ZFHX3: variants seen among roughly 807,000 people sequenced by gnomAD.
The protein encoded by ZFHX3 is zinc finger homeobox protein 3.
Under a neutral mutation model 279.1 loss-of-function variants are expected in ZFHX3, and 42 were observed. The observed-to-expected ratio is 0.15, with a 90% CI of 0.12 to 0.19. ZFHX3 has a LOEUF of 0.19. Ranked by LOEUF, ZFHX3 falls within the 10% of genes least tolerant of loss-of-function variation. The pLI is 1.00. For missense variants in ZFHX3, 4,981 were observed against 4,754.0 expected (o/e 1.05, Z -1.40); for synonymous variants, 2,293 against 1,957.8 (o/e 1.17, Z -4.52).
chr16:73,661,426 A>AT (rs1200076302), intron 2 of ZFHX3, among the ~76,000 whole-genome samples: 4 of 152,228 alleles, frequency 2.6e-5, no homozygotes, highest in Non-Finnish European at 5.9e-5. Flanking sequence ...CAGATTTTTA[A>AT]TAAAGGATGT....
At chr16:72,947,188 CG>C (rs1463616125) in intron 3 of ZFHX3, among the ~76,000 whole-genome samples, 2 of 152,178 alleles carry the variant, frequency 1.3e-5, no homozygotes, top group African/African-American at 4.8e-5. Context: ...GGGCTTCCCC[CG>C]GATGCCTCGG....
At chr16:73,567,394 CT>C (rs1392977188) in intron 2 of ZFHX3, among the ~76,000 whole-genome samples, 1 of 152,238 alleles carries the variant, frequency 6.6e-6, no homozygotes, top group Non-Finnish European at 1.5e-5. Flanking sequence ...TTCTCTTCCT[CT>C]GAACTTATAG....
At chr16:73,836,282 C>T (rs1478439059) in intron 1 of ZFHX3, among the ~76,000 whole-genome samples, 1 of 152,168 alleles carries the variant, frequency 6.6e-6, no homozygotes, top group African/African-American at 2.4e-5. Context: ...TCCACTACTA[C>T]AGGAGACAGT....
intron 5 of ZFHX3, among the ~76,000 whole-genome samples, chr16:73,173,099 T>C (rs1211980812): frequency 6.7e-6 from 1 of 150,352 alleles, no homozygotes. Flanking sequence ...AATAACCTTG[T>C]TTCCTGTGAT....
chr16:73,386,876 G>T (rs116864109), intron 3 of ZFHX3: 2 of 152,242 alleles, frequency 1.3e-5, no homozygotes, highest in Non-Finnish European at 2.9e-5. Flanking sequence ...CTGCCACATC[G>T]GATTTCCTTC....
At chr16:73,278,599 T>C (rs895508931) in intron 4 of ZFHX3, among the ~76,000 whole-genome samples, 1 of 152,198 alleles carries the variant, frequency 6.6e-6, no homozygotes, top group Non-Finnish European at 1.5e-5. Context: ...CTGGCTGGGG[T>C]GGCCAGCTTT....
At chr16:73,273,673 T>C (rs1213250721) in intron 4 of ZFHX3, among the ~76,000 whole-genome samples, 1 of 152,218 alleles carries the variant, frequency 6.6e-6, no homozygotes, top group African/African-American at 2.4e-5. Context: ...TAGAGTATTC[T>C]ATCAGAGGAT....
rs1220734896 is a variant in ZFHX3, at chr16:72,794,071, G to T, written c.8611C>A (p.Pro2871Thr). Reference sequence around the variant, plus strand: ...GCCGCTTTGGTCAACCCTTCGTTGGGTGCAGAAGAGGATTTGGTTTCAGTT... The same window carrying T: ...GCCGCTTTGGTCAACCCTTCGTTGGTTGCAGAAGAGGATTTGGTTTCAGTT... ...IATETKSSSA[P>T]NEGLTKAAMM... The change falls in exon 9 of 10, where the codon CCC becomes ACC. Residue 2871 changes from proline (P) to threonine (T), a missense_variant. Physicochemically the swap from Pro to Thr is conservative, Grantham distance 38 (BLOSUM62 -1). Coordinates refer to ENST00000268489, the MANE Select transcript of ZFHX3 (RefSeq NM_006885.4). The surrounding 1 kb of genome is among the most constrained non-coding windows in gnomAD (Gnocchi z 4.2). The T allele has an allele frequency of 6.2e-7, 1 of 1,614,204 alleles. No individual in the cohort carries two copies.
At chr16:73,195,413 A>ATTTT (rs9302646) in intron 5 of ZFHX3, among the ~76,000 whole-genome samples, 5 of 93,116 alleles carry the variant, frequency 5.4e-5, no homozygotes, top group Admixed American at 1.2e-4. Context: ...TGTCTTTACT[A>ATTTT]TTTTTTTTTT....
chr16:73,774,307 T>G (rs1253905299), intron 1 of ZFHX3, among the ~76,000 whole-genome samples: 2 of 152,162 alleles, frequency 1.3e-5, no homozygotes, highest in African/African-American at 4.8e-5. Flanking sequence ...TTGTATAAGC[T>G]CATTAGGTAG....
intron 1 of ZFHX3, among the ~76,000 whole-genome samples, chr16:73,753,571 G>A: frequency 6.6e-6 from 1 of 152,130 alleles, no homozygotes; most frequent in Non-Finnish European, 1.5e-5. Flanking sequence ...TAAGGTGCTG[G>A]CTCTGGGAAC....
chr16:73,054,769 T>C (rs1280969064), intron 1 of ZFHX3, among the ~76,000 whole-genome samples: 12 of 152,100 alleles, frequency 7.9e-5, no homozygotes, highest in South Asian at 2.1e-4. Flanking sequence ...AAGGCATATA[T>C]ATAGCCGCCG....
At chr16:73,431,819 A>G (rs1169813408) in intron 3 of ZFHX3, among the ~76,000 whole-genome samples, 1 of 152,152 alleles carries the variant, frequency 6.6e-6, no homozygotes, top group Non-Finnish European at 1.5e-5. Context: ...GTAAGGAGGC[A>G]GGCGATGGCC....
intron 3 of ZFHX3, among the ~76,000 whole-genome samples, chr16:73,348,058 G>A (rs575697451): frequency 5.6e-4 from 85 of 152,288 alleles, no homozygotes; most frequent in Non-Finnish European, 8.5e-4. Context: ...AAGGAACTGT[G>A]TGACCTGCTT....
Position 72,794,606 on chromosome 16 carries a change from G to A in ZFHX3, c.8076C>T (p.Thr2692=). The change falls in exon 9 of 10, where the codon ACC becomes ACT. Residue 2692 remains threonine, a synonymous_variant. Transcript: ENST00000268489. The surrounding 1 kb of genome is among the most constrained non-coding windows in gnomAD (Gnocchi z 4.2). ...KRVVQVWFQN[T]RARERKGQFR... ...ACTGTCCTTTCCTTTCCCGAGCTCG[G>A]GTGTTCTGAAACCAGACTTGTACCA... The A allele has an allele frequency of 6.2e-7, 1 of 1,614,192 alleles. No individual in the cohort carries two copies. Among genetic ancestry groups the A allele is most frequent in the Non-Finnish European group, 8.5e-7 (1 of 1,180,038 alleles).
intron 4 of ZFHX3, among the ~76,000 whole-genome samples, chr16:72,872,567 C>T (rs2038191050): frequency 6.6e-6 from 1 of 152,196 alleles, no homozygotes; most frequent in African/African-American, 2.4e-5. Context: ...AAGCAATTCT[C>T]ATGCCTCAGC....
At chr16:73,310,537 A>G (rs2015300490) in intron 4 of ZFHX3, among the ~76,000 whole-genome samples, 1 of 152,074 alleles carries the variant, frequency 6.6e-6, no homozygotes, top group Non-Finnish European at 1.5e-5. Context: ...GTCCAGAGAC[A>G]TTTTTTTGTT....
intron 4 of ZFHX3, among the ~76,000 whole-genome samples, chr16:73,296,882 T>TTTTTTTTTG (rs1567443086): frequency 8.3e-6 from 1 of 120,614 alleles, no homozygotes; most frequent in African/African-American, 3.1e-5. Flanking sequence ...CAGGAATTTT[T>TTTTTTTTTG]TTTTTTTTTT....
chr16:73,881,107 T>G (rs1440265676), intron 1 of ZFHX3, among the ~76,000 whole-genome samples: 1 of 152,150 alleles, frequency 6.6e-6, no homozygotes, highest in African/African-American at 2.4e-5. Flanking sequence ...GAGTGTTTCT[T>G]TCTTTAAATG....
Sources: allele counts gnomAD v4.1 joint callset (sites outside exome capture counted in the v4.1 genomes callset), GRCh38; gene constraint gnomAD v4.1.1; non-coding constraint Gnocchi (gnomAD v3.1); transcripts MANE v1.5; gene names NCBI Gene and HGNC (gene_info 2026-07-23, HGNC 2026-07-21).